ARHGEF3: variants seen among roughly 807,000 people sequenced by gnomAD.
ARHGEF3 encodes 59.8 kDA protein.
Under a neutral mutation model 63.2 loss-of-function variants are expected in ARHGEF3, and 28 were observed. The observed-to-expected ratio is 0.44, with a 90% confidence interval of 0.33 to 0.61. ARHGEF3 has a LOEUF of 0.61. Ranked by LOEUF, ARHGEF3 falls within the 20% of genes least tolerant of loss-of-function variation. ARHGEF3 has a pLI of 0.03. For synonymous variants in ARHGEF3, 266 were observed against 254.2 expected (o/e 1.05, Z -0.44); for missense variants, 533 against 659.3 (o/e 0.81, Z 2.10).
At chr3:56,733,326 C>T (rs779403861) in intron 8 of ARHGEF3, among the ~76,000 whole-genome samples, 6 of 8,308 alleles carry the variant, frequency 7.2e-4, no homozygotes, top group Non-Finnish European at 1.8e-3. Flanking sequence ...GCGAGGTGGG[C>T]GGGGCGGGGG....
rs1478247214 is a variant in ARHGEF3 at position 57,073,983 on chromosome 3, T to A, written c.-28+5243A>T. ...AGCCATCTCTCTTGACATCGCTGTA[T>A]CCCAAATAAATCTTCTGGGAAGACC... On this transcript the variant is annotated intron_variant, in intron 1 of 12. Transcript: ENST00000338458. The A allele has an allele frequency of 3.7e-6, 6 of 1,614,204 alleles. No homozygotes were observed. In the South Asian group the frequency reaches 5.5e-5, roughly 15 times the overall value.
rs112266296 is a variant in ARHGEF3 at position 56,945,063 on chromosome 3, A to C, written c.129+13760T>G. On this transcript the variant is annotated intron_variant, in intron 3 of 12. Transcript: ENST00000338458. ...TTAAATGCATCATATTCTACAGGAA[A>C]TCTTTCATGAAAGGAAAGAGTCAAT... Among the ~76,000 whole-genome samples the C allele has an allele frequency of 5.2e-3, 796 of 152,308 alleles. 7 individuals carry two copies. Among genetic ancestry groups the C allele is most frequent in the African/African-American group, 0.019 (774 of 41,568 alleles).
intron 2 of ARHGEF3, among the ~76,000 whole-genome samples, chr3:56,760,129 G>C (rs1356257074): frequency 1.3e-5 from 2 of 152,138 alleles, no homozygotes; most frequent in African/African-American, 4.8e-5. Flanking sequence ...CTAAAAGGCA[G>C]GAATTCCTTA....
chr3:56,816,528 G>C (rs970058665), intron 4 of ARHGEF3, among the ~76,000 whole-genome samples: 1 of 152,108 alleles, frequency 6.6e-6, no homozygotes, highest in Non-Finnish European at 1.5e-5. Flanking sequence ...CTTGTACAAG[G>C]CTACATCCCC....
chr3:56,942,350 T>C (rs982278508), intron 3 of ARHGEF3, among the ~76,000 whole-genome samples: 15 of 152,210 alleles, frequency 9.9e-5, no homozygotes, highest in African/African-American at 3.6e-4. Context: ...TAGTTCAAAC[T>C]TTTTCATTAT....
chr3:56,842,905 A>C (rs1457110848), intron 4 of ARHGEF3, among the ~76,000 whole-genome samples: 1 of 152,190 alleles, frequency 6.6e-6, no homozygotes, highest in Non-Finnish European at 1.5e-5. Flanking sequence ...ATGACTTACA[A>C]ATAGCTCCAA....
At chr3:57,004,474 C>G (rs570912158) in intron 2 of ARHGEF3, among the ~76,000 whole-genome samples, 10 of 152,216 alleles carry the variant, frequency 6.6e-5, no homozygotes, top group Non-Finnish European at 1.3e-4. Flanking sequence ...ACAGCTGATG[C>G]CCGACATTTC....
rs555330330 is a variant in ARHGEF3 at position 56,971,895 on chromosome 3, AT to A, written c.63-13007del. ...TTTTAAAAAGCACTTTGGGTTATAC[AT>A]GATTTTCACCTTACTAACCCCACCT... On this transcript the variant is annotated intron_variant, in intron 2 of 12. Coordinates refer to the ARHGEF3 transcript ENST00000338458. 3.0e-4 allele frequency among the ~76,000 whole-genome samples: 46 copies of A among 152,076 alleles called. No homozygotes were observed. The East Asian group carries it at 8.5e-3, about 28-fold the overall frequency.
At chr3:56,828,698 G>A (rs1443342603) in intron 4 of ARHGEF3, among the ~76,000 whole-genome samples, 1 of 152,140 alleles carries the variant, frequency 6.6e-6, no homozygotes, top group Non-Finnish European at 1.5e-5. Context: ...GCCCTCAGGC[G>A]TAAGAACTGA....
At chr3:56,955,640 A>C (rs1442056830) in intron 3 of ARHGEF3, among the ~76,000 whole-genome samples, 2 of 152,264 alleles carry the variant, frequency 1.3e-5, no homozygotes, top group African/African-American at 2.4e-5. Flanking sequence ...AGAAGAAAGC[A>C]GAGTGTTCAC....
rs116172210 is a variant in ARHGEF3 at position 57,015,238 on chromosome 3, G to A, written c.62+19850C>T. Among the ~76,000 whole-genome samples the A allele has an allele frequency of 4.8e-3, 728 of 152,142 alleles. 7 individuals are homozygous for A. Among genetic ancestry groups the A allele is most frequent in the Middle Eastern group, 0.01 (3 of 294 alleles). ...CAGACACATGGTAACACTATACCCC[G>A]TTTCTAATCTGACCTAGAGATAAAC... On this transcript the variant is annotated intron_variant, in intron 2 of 12. Coordinates refer to the ARHGEF3 transcript ENST00000338458.
At chr3:57,024,940 C>T (rs923194515) in intron 2 of ARHGEF3, among the ~76,000 whole-genome samples, 3 of 152,200 alleles carry the variant, frequency 2.0e-5, no homozygotes, top group African/African-American at 7.2e-5. Flanking sequence ...GTTATCCTGA[C>T]GTTGGAGTGA....
intron 2 of ARHGEF3, among the ~76,000 whole-genome samples, chr3:56,976,338 C>T (rs540210874): frequency 1.3e-5 from 2 of 152,262 alleles, no homozygotes; most frequent in East Asian, 1.9e-4. Flanking sequence ...CCACTGCATC[C>T]GGTCAATTCA....
At chr3:56,944,523 A>C (rs1699363894) in intron 3 of ARHGEF3, among the ~76,000 whole-genome samples, 1 of 148,682 alleles carries the variant, frequency 6.7e-6, no homozygotes, top group South Asian at 2.2e-4. Context: ...TAAAGCTTGA[A>C]CGGATGGGGA....
chr3:56,948,664 G>A (rs1355326571), intron 3 of ARHGEF3, among the ~76,000 whole-genome samples: 2 of 152,094 alleles, frequency 1.3e-5, no homozygotes, highest in African/African-American at 2.4e-5. Context: ...AAAAGTCCAG[G>A]ACCAGATGGA....
intron 4 of ARHGEF3, among the ~76,000 whole-genome samples, chr3:56,830,800 C>A (rs1342049421): frequency 6.6e-6 from 1 of 152,192 alleles, no homozygotes. Context: ...TCCTCTGCCA[C>A]CAAATCTCTG....
At chr3:56,956,529 A>C (rs1349629257) in intron 3 of ARHGEF3, among the ~76,000 whole-genome samples, 2 of 152,338 alleles carry the variant, frequency 1.3e-5, no homozygotes, top group East Asian at 3.9e-4. Context: ...AGTCGTGCTT[A>C]AAAATTCACA....
chr3:56,911,159 G>A lies in ARHGEF3; in HGVS notation c.130-28805C>T, dbSNP rs532616848. ...CCCAGTGCTCTCGTCCCTCCACAAGGAATATGGTGGAGAGGACACCTGGGG... is the reference window on the plus strand; with the variant it reads ...CCCAGTGCTCTCGTCCCTCCACAAGAAATATGGTGGAGAGGACACCTGGGG... On this transcript the variant is annotated intron_variant, in intron 3 of 12. Coordinates refer to the ARHGEF3 transcript ENST00000338458. Among the ~76,000 whole-genome samples, 11 of 152,252 alleles carry A rather than the reference G, an allele frequency of 7.2e-5. 1 individual carries two copies. The highest frequency in any genetic ancestry group is 1.5e-4 in the Non-Finnish European group (10 of 68,022).
intron 4 of ARHGEF3, among the ~76,000 whole-genome samples, chr3:56,866,799 C>T (rs773131218): frequency 1.2e-4 from 18 of 152,282 alleles, no homozygotes; most frequent in Middle Eastern, 3.4e-3. Context: ...AATAAACACC[C>T]GTTAAGTGGA....
Sources: gnomAD v4.1 joint callset for allele counts (sites outside exome capture counted in the v4.1 genomes callset) on GRCh38, gnomAD v4.1.1 for gene constraint, MANE v1.5 for transcripts, NCBI Gene and HGNC (gene_info 2026-07-23, HGNC 2026-07-21) for gene names.